RNF216: variants seen among roughly 807,000 people sequenced by gnomAD.
RNF216 encodes ring finger protein 216, also known as E3 ubiquitin-protein ligase RNF216.
A neutral mutation model predicts 110.8 loss-of-function variants in RNF216; 72 were observed. The observed-to-expected ratio is 0.65, with a 90% confidence interval of 0.54 to 0.79. The LOEUF (loss-of-function observed/expected upper bound fraction) is 0.79, where lower values mean the gene tolerates loss of function less well. Among genes scored for constraint, RNF216 ranks in the 30% least tolerant of loss-of-function variants. RNF216 has a pLI of 0.00. For missense variants in RNF216, 1,342 were observed against 1,141.2 expected (o/e 1.18, Z -2.54); for synonymous variants, 495 against 407.5 (o/e 1.21, Z -2.59).
chr7:5,640,290 T>C (rs1305286963), intron 15 of RNF216, among the ~76,000 whole-genome samples: 1 of 152,202 alleles, frequency 6.6e-6, no homozygotes, highest in Non-Finnish European at 1.5e-5. Context: ...CTTGATGTAA[T>C]GCAAGAAAAA....
chr7:5,700,682 T>C (rs1791908264), intron 13 of RNF216, among the ~76,000 whole-genome samples: 1 of 152,120 alleles, frequency 6.6e-6, no homozygotes, highest in African/African-American at 2.4e-5. Context: ...ACAGAGAATC[T>C]TTTTCTGTGA....
chr7:5,633,705 C>T (rs376775747), intron 15 of RNF216, among the ~76,000 whole-genome samples: 1 of 152,212 alleles, frequency 6.6e-6, no homozygotes, highest in Non-Finnish European at 1.5e-5. Flanking sequence ...CAGCCTGACA[C>T]AGAAGACTCT....
At position 5,761,071 on chromosome 7, in the gene RNF216, T is replaced by C; in HGVS notation, c.-2A>G. ...TTCATTGTTGTTTCCCTCTTCCATT[T>C]TCAAATGCAGACATGCATATATGGG... On this transcript the variant is annotated 5_prime_UTR_variant, in exon 2 of 17. Transcript: ENST00000389902. 1 of 1,578,742 alleles carries C rather than the reference T, an allele frequency of 6.3e-7. No homozygotes were observed. Among genetic ancestry groups the C allele is most frequent in the Non-Finnish European group, 8.6e-7 (1 of 1,167,288 alleles).
rs1198457635 is a variant in RNF216, at chr7:5,642,038, AAAAAAAAG to A, written c.2160-670_2160-663del. Among the ~76,000 whole-genome samples the A allele has an allele frequency of 1.9e-3, 280 of 146,252 alleles. 2 individuals carry two copies. The highest frequency in any genetic ancestry group is 7.2e-3 in the African/African-American group (272 of 37,944). ...ACAGAGTGAGACTCTATCTTAAAAA[AAAAAAAAG>A]AAAAAAAAAAAGAAAGAAAGAAAAC... On this transcript the variant is annotated intron_variant, in intron 14 of 16. Transcript: ENST00000389902.
chr7:5,724,181 A>G (rs1793612128), intron 8 of RNF216, among the ~76,000 whole-genome samples: 1 of 152,146 alleles, frequency 6.6e-6, no homozygotes, highest in African/African-American at 2.4e-5. Context: ...CTATACCCCA[A>G]CTTTCAAAGA....
At chr7:5,662,643 C>T (rs535095305) in intron 13 of RNF216, 2 of 152,366 alleles carry the variant, frequency 1.3e-5, no homozygotes, top group South Asian at 2.1e-4. Context: ...CCATCAGTGC[C>T]GCTGAGAGCC....
Position 5,656,082 on chromosome 7 carries a change from A to T in RNF216, c.2062-3572T>A, listed in dbSNP as rs182014649. On this transcript the variant is annotated intron_variant, in intron 13 of 16. Coordinates refer to ENST00000389902, the MANE Select transcript of RNF216 (RefSeq NM_207111.4). ...TCAGGAGTTTGAGACCAGCCTGGGC[A>T]ACATGGTCAAACCCCATCTCTACTA... Among the ~76,000 whole-genome samples, 22 of 152,278 alleles carry T rather than the reference A, an allele frequency of 1.4e-4. No homozygotes were observed. In the East Asian group the frequency reaches 4.1e-3, roughly 28 times the overall value.
At chr7:5,686,437 T>C (rs1790991763) in intron 13 of RNF216, among the ~76,000 whole-genome samples, 1 of 152,106 alleles carries the variant, frequency 6.6e-6, no homozygotes, top group African/African-American at 2.4e-5. Context: ...GAGTAAATGA[T>C]GTGCGGACAG....
chr7:5,745,493 G>A (rs568120285), intron 3 of RNF216, among the ~76,000 whole-genome samples: 1 of 152,272 alleles, frequency 6.6e-6, no homozygotes, highest in Non-Finnish European at 1.5e-5. Context: ...ACACGTGAAA[G>A]AAGCATAAAA....
At chr7:5,631,186 G>A (rs1787049554) in intron 15 of RNF216, among the ~76,000 whole-genome samples, 1 of 152,204 alleles carries the variant, frequency 6.6e-6, no homozygotes. Context: ...AGAGCAAGGG[G>A]CTGTGTTTTG....
chr7:5,691,528 A>T (rs1791339209), intron 13 of RNF216, among the ~76,000 whole-genome samples: 1 of 152,140 alleles, frequency 6.6e-6, no homozygotes, highest in Non-Finnish European at 1.5e-5. Flanking sequence ...GTAGAAGAGA[A>T]GGGGAGAGGG....
At chr7:5,665,349 G>A (rs1413866804) in intron 13 of RNF216, among the ~76,000 whole-genome samples, 1 of 152,048 alleles carries the variant, frequency 6.6e-6, no homozygotes, top group Non-Finnish European at 1.5e-5. Flanking sequence ...CTGAGGAAAG[G>A]GCTTCTTTGG....
chr7:5,648,621 G>C (rs1256557588), intron 14 of RNF216, among the ~76,000 whole-genome samples: 1 of 151,632 alleles, frequency 6.6e-6, no homozygotes, highest in Non-Finnish European at 1.5e-5. Context: ...CCAGCTACTC[G>C]GGAGGCTGAG....
Position 5,741,829 on chromosome 7 carries a change from A to G in RNF216, c.202-14T>C. The G allele has an allele frequency of 6.3e-7, 1 of 1,576,426 alleles. No individual in the cohort carries two copies. Among genetic ancestry groups the G allele is most frequent in the Non-Finnish European group, 8.6e-7 (1 of 1,165,772 alleles). Reference sequence around the variant, plus strand: ...AGGTTTATTTGTCTAAGAAAAAATGAAATTTTAATAATTCAATTTCTTTCC... The same window carrying G: ...AGGTTTATTTGTCTAAGAAAAAATGGAATTTTAATAATTCAATTTCTTTCC... On this transcript the variant is annotated splice_polypyrimidine_tract_variant and intron_variant, in intron 3 of 16. Coordinates refer to ENST00000389902, the MANE Select transcript of RNF216 (RefSeq NM_207111.4).
At chr7:5,765,745 C>T (rs1796170850) in intron 1 of RNF216, among the ~76,000 whole-genome samples, 1 of 150,162 alleles carries the variant, frequency 6.7e-6, no homozygotes. Flanking sequence ...GAGTTTGCCA[C>T]CAGCCTGGGC....
At chr7:5,670,544 T>C (rs770060517) in intron 13 of RNF216, among the ~76,000 whole-genome samples, 1 of 152,192 alleles carries the variant, frequency 6.6e-6, no homozygotes, top group Non-Finnish European at 1.5e-5. Flanking sequence ...GGAGATTCCA[T>C]CATTTCACAG....
At chr7:5,770,190 C>T (rs940608231) in intron 1 of RNF216, among the ~76,000 whole-genome samples, 8 of 151,228 alleles carry the variant, frequency 5.3e-5, no homozygotes, top group African/African-American at 1.2e-4. Flanking sequence ...GGCTGGGCGC[C>T]GTGGCTCACA....
intron 1 of RNF216, among the ~76,000 whole-genome samples, chr7:5,778,209 C>G (rs538713606): frequency 1.3e-5 from 2 of 152,216 alleles, no homozygotes; most frequent in South Asian, 2.1e-4. Flanking sequence ...CTTTTCCCCC[C>G]GCATTCACCA....
chr7:5,625,938 C>T (rs2128556141), intron 15 of RNF216, among the ~76,000 whole-genome samples: 1 of 152,366 alleles, frequency 6.6e-6, no homozygotes, highest in Non-Finnish European at 1.5e-5. Flanking sequence ...CTTTCCAACT[C>T]TGACACTTGG....
Sources: gnomAD v4.1 joint callset for allele counts (sites outside exome capture counted in the v4.1 genomes callset) on GRCh38, gnomAD v4.1.1 for gene constraint, MANE v1.5 for transcripts, NCBI Gene and HGNC (gene_info 2026-07-23, HGNC 2026-07-21) for gene names.